Variants in FUT9 observed in about 807,000 individuals in gnomAD.
The protein encoded by FUT9 is 4-galactosyl-N-acetylglucosaminide 3-alpha-L-fucosyltransferase 9.
Under a neutral mutation model 29.7 loss-of-function variants are expected in FUT9, and 15 were observed. The observed-to-expected ratio is 0.51, with a 90% CI of 0.34 to 0.78. The LOEUF (loss-of-function observed/expected upper bound fraction) is 0.78, where lower values mean the gene tolerates loss of function less well. Ranked by LOEUF, FUT9 falls within the 30% of genes least tolerant of loss-of-function variation. The pLI, the probability that FUT9 is intolerant of heterozygous loss-of-function variation, is 0.01. For missense variants in FUT9, 319 were observed against 425.4 expected (o/e 0.75, Z 2.20); for synonymous variants, 169 against 153.7 (o/e 1.10, Z -0.74).
chr6:96,043,115 G>A (rs1030124340), intron 1 of FUT9, among the ~76,000 whole-genome samples: 5 of 151,988 alleles, frequency 3.3e-5, no homozygotes, highest in South Asian at 2.1e-4. Context: ...GCGGTGGCGC[G>A]ATCTCGGCTC....
Position 96,155,794 on chromosome 6 carries a change from G to A in FUT9, c.-9+41667G>A, listed in dbSNP as rs903433884. Among the ~76,000 whole-genome samples, 5 of 152,238 alleles carry A rather than the reference G, an allele frequency of 3.3e-5. No individual in the cohort carries two copies. In the South Asian group the frequency reaches 8.3e-4, roughly 25 times the overall value. On this transcript the variant is annotated intron_variant, in intron 2 of 2. Transcript: ENST00000302103. ...GCAGCAATAGGGCAGCCATCTGCAA[G>A]CCAAGAAAGAGTCTCAGAAGGACCT...
intron 1 of FUT9, among the ~76,000 whole-genome samples, chr6:96,062,786 C>T (rs1399204603): frequency 6.6e-6 from 1 of 151,742 alleles, no homozygotes; most frequent in Non-Finnish European, 1.5e-5. Context: ...AACTGTTTCC[C>T]CTTTGTAAAA....
chr6:96,049,479 C>G (rs1770626765), intron 1 of FUT9, among the ~76,000 whole-genome samples: 1 of 152,218 alleles, frequency 6.6e-6, no homozygotes, highest in Admixed American at 6.5e-5. Flanking sequence ...GTAAACAACT[C>G]TTTCTTACAT....
At position 96,207,880 on chromosome 6, in the gene FUT9, A is replaced by C. The variant is rs1773861935; in HGVS notation, c.*3645A>C. On this transcript the variant is annotated 3_prime_UTR_variant, in exon 3 of 3. Transcript: ENST00000302103. Reference sequence around the variant, plus strand: ...TAAGAATATATACTGAATTGTCCACATCCAGAGTATTACACCCTGAACAAG... The same window carrying C: ...TAAGAATATATACTGAATTGTCCACCTCCAGAGTATTACACCCTGAACAAG... 1 of 166,934 alleles carries C rather than the reference A, an allele frequency of 6.0e-6. No individual in the cohort carries two copies. Among genetic ancestry groups the C allele is most frequent in the Admixed American group, 6.5e-5 (1 of 15,268 alleles). 10.3% of individuals were successfully genotyped at this position (166,934 alleles called of 1,614,324 possible). A position where few individuals can be genotyped will look rare whatever the true frequency, so the allele number is the denominator to read the frequency against.
intron 2 of FUT9, among the ~76,000 whole-genome samples, chr6:96,171,099 T>C (rs1409210529): frequency 6.6e-6 from 1 of 152,038 alleles, no homozygotes; most frequent in African/African-American, 2.4e-5. Flanking sequence ...CAAGTGAAAA[T>C]GAAAAGGGGC....
chr6:96,163,566 A>C (rs4443514), intron 2 of FUT9, among the ~76,000 whole-genome samples: 149,916 of 152,256 alleles, frequency 0.98, 73,857 homozygotes, highest in East Asian at 1. Flanking sequence ...TGTAACCAAT[A>C]CAGCTGTTTC....
intron 2 of FUT9, among the ~76,000 whole-genome samples, chr6:96,200,802 C>G (rs899969080): frequency 6.6e-6 from 1 of 152,048 alleles, no homozygotes; most frequent in African/African-American, 2.4e-5. Flanking sequence ...GTTTTTCAGT[C>G]TGTAAGTTCT....
chr6:96,024,763 G>A (rs533957822), intron 1 of FUT9, among the ~76,000 whole-genome samples: 37 of 151,656 alleles, frequency 2.4e-4, no homozygotes, highest in Non-Finnish European at 4.9e-4. Flanking sequence ...GTTTCTTTGG[G>A]TCTCTTTCTC....
chr6:96,108,276 T>A (rs1057231588), intron 1 of FUT9, among the ~76,000 whole-genome samples: 1 of 152,170 alleles, frequency 6.6e-6, no homozygotes, highest in Non-Finnish European at 1.5e-5. Flanking sequence ...CATCCCATGT[T>A]GTATGCAAGA....
intron 2 of FUT9, among the ~76,000 whole-genome samples, chr6:96,176,529 A>C (rs1379157129): frequency 6.6e-6 from 1 of 152,160 alleles, no homozygotes; most frequent in African/African-American, 2.4e-5. Flanking sequence ...TTTAAAAATT[A>C]GGCAGCAGCT....
chr6:96,123,159 C>G (rs1772064307), intron 2 of FUT9, among the ~76,000 whole-genome samples: 1 of 148,360 alleles, frequency 6.7e-6, no homozygotes, highest in Non-Finnish European at 1.5e-5. Flanking sequence ...AAAGATTATG[C>G]ATAGTGTCAA....
At chr6:96,122,408 TAC>T (rs1772046856) in intron 2 of FUT9, among the ~76,000 whole-genome samples, 2 of 152,168 alleles carry the variant, frequency 1.3e-5, no homozygotes, top group Non-Finnish European at 2.9e-5. Context: ...CTTTTCTTAT[TAC>T]ACAAACATTA....
At chr6:96,049,046 A>G (rs1582193493) in intron 1 of FUT9, among the ~76,000 whole-genome samples, 1 of 152,346 alleles carries the variant, frequency 6.6e-6, no homozygotes, top group Middle Eastern at 3.4e-3. Context: ...ATGTAAAATT[A>G]TTTGAATAGT....
intron 1 of FUT9, among the ~76,000 whole-genome samples, chr6:96,071,946 A>G (rs1771070907): frequency 6.6e-6 from 1 of 152,112 alleles, no homozygotes; most frequent in Non-Finnish European, 1.5e-5. Context: ...AATAATAGTT[A>G]ATTTTATTTA....
In FUT9 at chr6:96,204,297, A is replaced by C; in HGVS notation, c.*62A>C. ...ATGAGATATCATCCAAGTATTGAGG[A>C]TAAGAAGAGATGCAACATACTACTT... On this transcript the variant is annotated 3_prime_UTR_variant, in exon 3 of 3. Transcript: ENST00000302103. 1 of 1,138,092 alleles carries C rather than the reference A, an allele frequency of 8.8e-7. No homozygotes were observed. The highest frequency in any genetic ancestry group is 1.2e-6 in the Non-Finnish European group (1 of 837,258). The allele number at this position is 1,138,092 out of a possible 1,614,324, so 70.5% of individuals were successfully genotyped here. A position where few individuals can be genotyped will look rare whatever the true frequency, so the allele number is the denominator to read the frequency against.
chr6:96,087,230 A>C (rs1453160294), intron 1 of FUT9, among the ~76,000 whole-genome samples: 1 of 152,004 alleles, frequency 6.6e-6, no homozygotes, highest in Non-Finnish European at 1.5e-5. Flanking sequence ...TTATTACCTA[A>C]AGTTATTTGT....
intron 2 of FUT9, among the ~76,000 whole-genome samples, chr6:96,148,340 A>G (rs748951484): frequency 2.5e-4 from 38 of 152,172 alleles, no homozygotes; most frequent in Non-Finnish European, 5.6e-4. Flanking sequence ...TTTGATTCTA[A>G]CAGCTCCACG....
At chr6:96,062,448 T>C (rs2127944472) in intron 1 of FUT9, among the ~76,000 whole-genome samples, 1 of 152,240 alleles carries the variant, frequency 6.6e-6, no homozygotes, top group Middle Eastern at 3.4e-3. Context: ...AAAACAAACA[T>C]TTAACCTCTG....
At chr6:96,200,011 C>T (rs764000140) in intron 2 of FUT9, among the ~76,000 whole-genome samples, 3 of 152,094 alleles carry the variant, frequency 2.0e-5, no homozygotes, top group Non-Finnish European at 2.9e-5. Context: ...ATCAAGTGCC[C>T]AGATTCTAAA....
Sources: allele counts gnomAD v4.1 joint callset (sites outside exome capture counted in the v4.1 genomes callset), GRCh38; gene constraint gnomAD v4.1.1; transcripts MANE v1.5; gene names NCBI Gene and HGNC (gene_info 2026-07-23, HGNC 2026-07-21).